The following TTLL11 variants were observed in gnomAD, a reference collection of about 807,000 sequenced individuals.
TTLL11 encodes the protein tubulin tyrosine ligase like 11.
In TTLL11, 42 loss-of-function variants were observed where a neutral mutation model predicts 51.7. That is an observed-to-expected ratio of 0.81 (90% CI 0.64 to 1.05). The LOEUF (loss-of-function observed/expected upper bound fraction) is 1.05. Ranked by LOEUF, TTLL11 falls within the 50% of genes least tolerant of loss-of-function variation. TTLL11 has a pLI of 0.00. For synonymous variants in TTLL11, 381 were observed against 383.5 expected (o/e 0.99, Z 0.08); for missense variants, 799 against 940.4 (o/e 0.85, Z 1.97).
intron 6 of TTLL11, among the ~76,000 whole-genome samples, chr9:121,921,522 C>T (rs1840544422): frequency 2.6e-5 from 4 of 152,172 alleles, no homozygotes. Flanking sequence ...TATGCCTGGA[C>T]TGATTTACAC....
At chr9:121,896,313 G>A (rs532097705) in intron 6 of TTLL11, among the ~76,000 whole-genome samples, 21 of 152,306 alleles carry the variant, frequency 1.4e-4, no homozygotes, top group African/African-American at 4.6e-4. Flanking sequence ...CCGGGGCTAG[G>A]TGGCTTTAGC....
chr9:122,031,991 T>TC, intron 2 of TTLL11, 135 bp from the exon 3 acceptor site: 1 of 1,257,898 alleles, frequency 7.9e-7, no homozygotes, highest in Non-Finnish European at 1.1e-6. Context: ...AAGGTCTGAG[T>TC]TGTTCCCCAC....
At chr9:122,015,142 C>T (rs547973653) in intron 3 of TTLL11, among the ~76,000 whole-genome samples, 18 of 152,260 alleles carry the variant, frequency 1.2e-4, no homozygotes, top group Non-Finnish European at 8.8e-5. Flanking sequence ...GCAAGCACAA[C>T]ACAGATGCCA....
At chr9:122,013,374 A>G (rs1452341664) in intron 3 of TTLL11, among the ~76,000 whole-genome samples, 2 of 152,176 alleles carry the variant, frequency 1.3e-5, no homozygotes, top group African/African-American at 4.8e-5. Context: ...GTAGGGGAGG[A>G]AGTATCAGAA....
chr9:122,009,101 A>G (rs978567682), intron 3 of TTLL11, among the ~76,000 whole-genome samples: 2 of 152,210 alleles, frequency 1.3e-5, no homozygotes, highest in Admixed American at 1.3e-4. Flanking sequence ...AGTTCAAGAG[A>G]TCTATTGTAC....
In TTLL11 at chr9:121,833,511, T is replaced by G. The variant is rs1837090271; in HGVS notation, c.1841-10632A>C. On this transcript the variant is annotated intron_variant, in intron 8 of 8. Transcript: ENST00000321582. ...CCTATCTTACGTCTGCATAGCACTT[T>G]CCAGTTTACAAAGAACATCCATTTT... 3.3e-5 allele frequency among the ~76,000 whole-genome samples: 5 copies of G among 152,216 alleles called. No homozygotes were observed. The South Asian group carries it at 1.0e-3, about 32-fold the overall frequency.
chr9:121,845,206 C>T (rs912341198), intron 8 of TTLL11, among the ~76,000 whole-genome samples: 2 of 152,118 alleles, frequency 1.3e-5, no homozygotes, highest in African/African-American at 4.8e-5. Context: ...ACAAGAATTA[C>T]ACCAGCCATC....
intron 6 of TTLL11, among the ~76,000 whole-genome samples, chr9:121,915,483 A>T (rs554448584): frequency 6.6e-6 from 1 of 152,288 alleles, no homozygotes; most frequent in East Asian, 1.9e-4. Flanking sequence ...TTATTCTGAC[A>T]CCCATCACAT....
intron 3 of TTLL11, among the ~76,000 whole-genome samples, chr9:122,021,090 G>A (rs1844164174): frequency 7.0e-6 from 1 of 143,832 alleles, no homozygotes; most frequent in African/African-American, 2.8e-5. Context: ...CATCGCTCGA[G>A]CAACCAAAAA....
chr9:121,835,923 C>T (rs1341963510), intron 8 of TTLL11, among the ~76,000 whole-genome samples: 1 of 152,230 alleles, frequency 6.6e-6, no homozygotes, highest in East Asian at 1.9e-4. Context: ...ACTCATTCCT[C>T]AGCAAGTGGT....
intron 3 of TTLL11, among the ~76,000 whole-genome samples, chr9:122,014,208 T>C (rs1204495178): frequency 6.6e-6 from 1 of 151,838 alleles, no homozygotes; most frequent in East Asian, 1.9e-4. Context: ...CTACTAAAAA[T>C]ACAAAAATTA....
At chr9:122,053,008 C>T (rs1045738762) in intron 1 of TTLL11, among the ~76,000 whole-genome samples, 1 of 152,174 alleles carries the variant, frequency 6.6e-6, no homozygotes, top group Non-Finnish European at 1.5e-5. Flanking sequence ...ATATTGAAAG[C>T]AAGCCTCCTG....
chr9:121,947,936 T>C (rs548800195), intron 6 of TTLL11, among the ~76,000 whole-genome samples: 26 of 152,286 alleles, frequency 1.7e-4, no homozygotes, highest in African/African-American at 5.8e-4. Context: ...GTGCCGTGCT[T>C]TTGGAGGATG....
chr9:121,869,572 G>A (rs1400667374), intron 7 of TTLL11, among the ~76,000 whole-genome samples: 2 of 152,144 alleles, frequency 1.3e-5, no homozygotes, highest in African/African-American at 2.4e-5. Context: ...TTCTTTGATC[G>A]AGACTCTGTG....
intron 1 of TTLL11, among the ~76,000 whole-genome samples, chr9:122,059,963 C>T (rs761166260): frequency 1.3e-5 from 2 of 152,148 alleles, no homozygotes; most frequent in African/African-American, 2.4e-5. Flanking sequence ...TCATAGTGAC[C>T]CCCATAGGTA....
chr9:122,033,363 T>C (rs1328458865), intron 2 of TTLL11, among the ~76,000 whole-genome samples: 1 of 152,156 alleles, frequency 6.6e-6, no homozygotes, highest in Non-Finnish European at 1.5e-5. Flanking sequence ...TCCACCCCCC[T>C]CGGCCTCCCA....
At chr9:122,092,553 CAAGCAGGCCCG>C in intron 1 of TTLL11, 123 bp downstream of exon 1, 4 of 1,442,254 alleles carry the variant, frequency 2.8e-6, no homozygotes, top group Non-Finnish European at 3.6e-6. Context: ...TTGCGGCTGA[CAAGCAGGCCCG>C]AGCGTGGTGC....
intron 6 of TTLL11, among the ~76,000 whole-genome samples, chr9:121,898,465 A>G (rs1839629408): frequency 6.6e-6 from 1 of 152,254 alleles, no homozygotes; most frequent in Non-Finnish European, 1.5e-5. Context: ...ACAGGGAGCC[A>G]GGACAGGAAA....
At position 122,039,330 on chromosome 9, in the gene TTLL11, C is replaced by T. The variant is rs1376511134; in HGVS notation, c.501G>A (p.Trp167Ter). The change falls in exon 2 of 9, where the codon TGG (tryptophan) becomes TGA (stop). Residue 167 changes from tryptophan to a stop codon, truncating the protein, a stop_gained. Coordinates refer to ENST00000321582, the MANE Select transcript of TTLL11 (RefSeq NM_001139442.2). LOFTEE classifies it high-confidence loss of function. ...FGRRLPCDIY[W>*]HGVSFHDNDI... is the part of the protein sequence containing the mutation. ...CATTGTCGTGAAATGAAACTCCATG[C>T]CAGTAGATGTCACAAGGCAAGCGCC... 9.9e-6 allele frequency: 16 copies of T among 1,613,928 alleles called. No homozygotes were observed. The highest frequency in any genetic ancestry group is 1.4e-5 in the Non-Finnish European group (16 of 1,179,912).
Sources: gnomAD v4.1 joint callset for allele counts (sites outside exome capture counted in the v4.1 genomes callset) on GRCh38, gnomAD v4.1.1 for gene constraint, MANE v1.5 for transcripts, NCBI Gene and HGNC (gene_info 2026-07-23, HGNC 2026-07-21) for gene names.